Variants in GLIS3 observed in about 807,000 individuals in gnomAD.
GLIS3 encodes GLIS family zinc finger 3.
A neutral mutation model predicts 78.6 loss-of-function variants in GLIS3; 53 were observed. The ratio of observed to expected loss-of-function variants is 0.67; its 90% confidence interval spans 0.54 to 0.85. The LOEUF is 0.85. Ranked by LOEUF, GLIS3 falls within the 40% of genes least tolerant of loss-of-function variation. GLIS3 has a pLI of 0.00. For missense variants in GLIS3, 1,703 were observed against 1,231.1 expected, an observed-to-expected ratio of 1.38 and a Z score of -5.74; for synonymous variants, 684 against 509.9, an observed-to-expected ratio of 1.34 and a Z score of -4.60.
intron 7 of GLIS3, among the ~76,000 whole-genome samples, chr9:3,880,804 G>T (rs1345152032): frequency 1.3e-5 from 2 of 152,178 alleles, no homozygotes; most frequent in South Asian, 2.1e-4. Flanking sequence ...CATGTGAAGA[G>T]GCAGAATTAC....
the GLIS3 span, among the ~76,000 whole-genome samples, chr9:4,373,882 G>A: frequency 6.6e-6 from 1 of 152,008 alleles, no homozygotes; most frequent in Non-Finnish European, 1.5e-5. Flanking sequence ...TGGCTAGGCT[G>A]GTCTCAAATT....
intron 2 of GLIS3, among the ~76,000 whole-genome samples, chr9:4,227,770 C>T (rs944728122): frequency 2.0e-5 from 3 of 152,186 alleles, no homozygotes; most frequent in African/African-American, 4.8e-5. Flanking sequence ...GAGCTCTGAA[C>T]TCCCTTGAGG....
the GLIS3 span, among the ~76,000 whole-genome samples, chr9:4,362,400 C>A: frequency 6.6e-6 from 1 of 152,132 alleles, no homozygotes; most frequent in Non-Finnish European, 1.5e-5. Flanking sequence ...AGTAAGAAAA[C>A]AGGAAGACAA....
intron 2 of GLIS3, among the ~76,000 whole-genome samples, chr9:4,243,087 T>G (rs1027738134): frequency 6.6e-6 from 1 of 152,174 alleles, no homozygotes; most frequent in African/African-American, 2.4e-5. Flanking sequence ...GATTCCAGCC[T>G]TGGGTCTTCA....
At chr9:4,076,295 G>T (rs192899724) in intron 4 of GLIS3, among the ~76,000 whole-genome samples, 1 of 152,052 alleles carries the variant, frequency 6.6e-6, no homozygotes, top group Non-Finnish European at 1.5e-5. Context: ...TAACATAATT[G>T]CAAAAGAAAA....
the GLIS3 span, among the ~76,000 whole-genome samples, chr9:4,415,547 G>A: frequency 1.3e-5 from 2 of 152,128 alleles, no homozygotes; most frequent in Admixed American, 1.3e-4. Context: ...AGCTGGTCTT[G>A]TTCTCGGCCA....
At chr9:3,867,029 C>A (rs1188881235) in intron 8 of GLIS3, among the ~76,000 whole-genome samples, 1 of 152,160 alleles carries the variant, frequency 6.6e-6, no homozygotes, top group Non-Finnish European at 1.5e-5. Flanking sequence ...ACAGGACCTA[C>A]AGATGAATTA....
chr9:4,344,009 T>G (rs1380730814), intron 2 of GLIS3, among the ~76,000 whole-genome samples: 2 of 152,092 alleles, frequency 1.3e-5, no homozygotes, highest in Non-Finnish European at 2.9e-5. Context: ...TACACAAAAC[T>G]CCAGCAACGT....
upstream of GLIS3, among the ~76,000 whole-genome samples, chr9:4,353,230 T>G (rs1371235495): frequency 6.6e-6 from 1 of 152,202 alleles, no homozygotes; most frequent in Non-Finnish European, 1.5e-5. Context: ...TTCTGTACCC[T>G]ACCAGCCAGG....
At chr9:3,923,509 A>G (rs1220554792) in intron 6 of GLIS3, among the ~76,000 whole-genome samples, 2 of 152,204 alleles carry the variant, frequency 1.3e-5, no homozygotes, top group South Asian at 2.1e-4. Flanking sequence ...CACAGACATC[A>G]GCAAGGTCAC....
intron 9 of GLIS3, among the ~76,000 whole-genome samples, chr9:3,835,340 A>C (rs1482572836): frequency 6.6e-6 from 1 of 152,156 alleles, no homozygotes; most frequent in Non-Finnish European, 1.5e-5. Flanking sequence ...CCTCAAAAAC[A>C]TCAGGAAGGT....
chr9:4,199,519 A>G (rs1035660603), intron 2 of GLIS3, among the ~76,000 whole-genome samples: 1 of 149,738 alleles, frequency 6.7e-6, no homozygotes, highest in African/African-American at 2.5e-5. Flanking sequence ...ATATCATATA[A>G]AACAGACTTT....
In GLIS3 at chr9:4,290,283, T is replaced by C. The variant is rs563828991; in HGVS notation, c.-98-3760A>G. Among the ~76,000 whole-genome samples, 11 of 152,272 alleles carry C rather than the reference T, an allele frequency of 7.2e-5. No homozygotes were observed. In the East Asian group the frequency reaches 1.7e-3, roughly 24 times the overall value. ...TGCCACAAGCACTTCTTACTCTGCA[T>C]AGAAAACCCGATAATGAGGCACAAA... On this transcript the variant is annotated intron_variant, in intron 1 of 10. Transcript: ENST00000381971.
rs532853404 is a variant in GLIS3, at chr9:4,135,063, T to G, written c.389-9122A>C. On this transcript the variant is annotated intron_variant, in intron 2 of 10. Transcript: ENST00000381971. ...TCTGGTGGGAAAGAAATACATTATT[T>G]ATTGTGGGTCCCCTCATAGACCCCA... Among the ~76,000 whole-genome samples, 5 of 152,342 alleles carry G rather than the reference T, an allele frequency of 3.3e-5. No homozygotes were observed. The East Asian group carries it at 9.6e-4, about 29-fold the overall frequency.
intron 4 of GLIS3, among the ~76,000 whole-genome samples, chr9:3,949,058 T>C (rs1216945730): frequency 3.3e-5 from 5 of 152,234 alleles, no homozygotes; most frequent in Non-Finnish European, 5.9e-5. Flanking sequence ...CATGGCCTTT[T>C]GGCTCAGTTA....
chr9:4,065,772 T>C (rs1374680925), intron 4 of GLIS3, among the ~76,000 whole-genome samples: 2 of 152,180 alleles, frequency 1.3e-5, no homozygotes, highest in African/African-American at 4.8e-5. Context: ...TATGGATGTA[T>C]AGATGACATC....
intron 2 of GLIS3, among the ~76,000 whole-genome samples, chr9:4,242,241 G>A (rs954071624): frequency 3.3e-5 from 5 of 152,090 alleles, no homozygotes; most frequent in South Asian, 2.1e-4. Flanking sequence ...GGTTCCCCAC[G>A]GTAACACAGG....
At chr9:4,062,337 G>A (rs1001096070) in intron 4 of GLIS3, among the ~76,000 whole-genome samples, 2 of 152,218 alleles carry the variant, frequency 1.3e-5, no homozygotes, top group Admixed American at 6.5e-5. Flanking sequence ...GGGATTGGGA[G>A]AGAGGTGGAA....
chr9:3,839,454 T>C (rs6476684), intron 9 of GLIS3, among the ~76,000 whole-genome samples: 30,151 of 152,036 alleles, frequency 0.2, 3,382 homozygotes, highest in Non-Finnish European at 0.25. Context: ...CTCAGAATTC[T>C]GTCATAAGGA....
Sources: allele counts gnomAD v4.1 joint callset (sites outside exome capture counted in the v4.1 genomes callset), GRCh38; gene constraint gnomAD v4.1.1; transcripts MANE v1.5; gene names NCBI Gene and HGNC (gene_info 2026-07-23, HGNC 2026-07-21).